Variants in CNTNAP2 observed in about 807,000 individuals in gnomAD.
The protein encoded by CNTNAP2 is contactin associated protein 2, also known as contactin-associated protein-like 2.
Under a neutral mutation model 155.2 loss-of-function variants are expected in CNTNAP2, and 98 were observed. The observed-to-expected ratio is 0.63, with a 90% CI of 0.54 to 0.75. The LOEUF (loss-of-function observed/expected upper bound fraction) is 0.75. CNTNAP2 is among the 30% of genes least tolerant of loss of function. The pLI is 0.00. For missense variants in CNTNAP2, 1,727 were observed against 1,688.1 expected, an observed-to-expected ratio of 1.02 and a Z score of -0.40; for synonymous variants, 651 against 631.2, an observed-to-expected ratio of 1.03 and a Z score of -0.47.
chr7:147,376,431 G>GACA (rs1796435160), intron 9 of CNTNAP2, among the ~76,000 whole-genome samples: 1 of 151,986 alleles, frequency 6.6e-6, no homozygotes, highest in Non-Finnish European at 1.5e-5. Flanking sequence ...GGGTTCATAT[G>GACA]TTTTGAAAAT....
chr7:148,199,844 C>T (rs1383701926), intron 18 of CNTNAP2, among the ~76,000 whole-genome samples: 1 of 152,102 alleles, frequency 6.6e-6, no homozygotes, highest in Non-Finnish European at 1.5e-5. Flanking sequence ...CCATCATATC[C>T]CATCTGCAAG....
chr7:146,483,256 A>T (rs1174208261), intron 1 of CNTNAP2, among the ~76,000 whole-genome samples: 1 of 135,680 alleles, frequency 7.4e-6, no homozygotes, highest in Non-Finnish European at 1.6e-5. Flanking sequence ...AGCCTGGGCA[A>T]CAGAGCAAGA....
intron 13 of CNTNAP2, among the ~76,000 whole-genome samples, chr7:147,747,410 T>A (rs10245935): frequency 0.11 from 17,008 of 152,208 alleles, 2,890 homozygotes; most frequent in African/African-American, 0.37. Flanking sequence ...CAAAATTTTC[T>A]TACCAAATTG....
chr7:146,661,532 G>A (rs1800087800), intron 1 of CNTNAP2, among the ~76,000 whole-genome samples: 1 of 151,694 alleles, frequency 6.6e-6, no homozygotes, highest in Non-Finnish European at 1.5e-5. Context: ...TATATAGTTT[G>A]TACCCATGCT....
chr7:148,282,727 T>C (rs61380717), intron 21 of CNTNAP2, among the ~76,000 whole-genome samples: 22,163 of 152,158 alleles, frequency 0.15, 2,079 homozygotes, highest in African/African-American at 0.26. Flanking sequence ...ATTAAATTAT[T>C]TTTAATTAAC....
intron 7 of CNTNAP2, among the ~76,000 whole-genome samples, chr7:147,131,756 A>G (rs1007087460): frequency 6.6e-6 from 1 of 152,088 alleles, no homozygotes; most frequent in African/African-American, 2.4e-5. Flanking sequence ...ATTTCCCTAA[A>G]ATATCAGTTT....
At chr7:148,408,602 A>C (rs1799756858) in intron 22 of CNTNAP2, among the ~76,000 whole-genome samples, 1 of 152,218 alleles carries the variant, frequency 6.6e-6, no homozygotes, top group Non-Finnish European at 1.5e-5. Flanking sequence ...CTTGCTTTAG[A>C]CTAAGGTGAC....
intron 1 of CNTNAP2, among the ~76,000 whole-genome samples, chr7:146,623,421 T>TTTGAGTGG (rs1273777454): frequency 1.3e-5 from 2 of 152,196 alleles, no homozygotes; most frequent in African/African-American, 4.8e-5. Flanking sequence ...CCCTGTGCTT[T>TTTGAGTGG]GCCCACTCAA....
At chr7:146,666,336 T>G (rs999562015) in intron 1 of CNTNAP2, among the ~76,000 whole-genome samples, 2 of 152,228 alleles carry the variant, frequency 1.3e-5, no homozygotes, top group Non-Finnish European at 2.9e-5. Flanking sequence ...TTTCACTGTT[T>G]GTTTATGGCT....
rs777475285 is a variant in CNTNAP2 at position 148,118,274 on chromosome 7, A to C, written c.2540A>C (p.Lys847Thr). Reference sequence around the variant, plus strand: ...AATATGGGAAAGGAAGATTTCATCAAGCTGGAGCTGAAGTGTGAGTATAAG... The same window carrying C: ...AATATGGGAAAGGAAGATTTCATCACGCTGGAGCTGAAGTGTGAGTATAAG... Reference protein sequence around the residue: ...LENMGKEDFIKLELKSATEVS... With the variant: ...LENMGKEDFITLELKSATEVS... Residue 847 changes from lysine (K) to threonine (T), a missense_variant, in exon 16 of 24, where the codon AAG (lysine) becomes ACG (threonine). By Grantham distance (78) the Lys-to-Thr change is moderately conservative. Transcript: ENST00000361727. 6.2e-7 allele frequency: 1 copy of C among 1,614,132 alleles called. No homozygotes were observed. Among genetic ancestry groups the C allele is most frequent in the Non-Finnish European group, 8.5e-7 (1 of 1,180,006 alleles).
At chr7:146,488,156 C>A (rs1797084070) in intron 1 of CNTNAP2, among the ~76,000 whole-genome samples, 1 of 151,986 alleles carries the variant, frequency 6.6e-6, no homozygotes, top group Admixed American at 6.6e-5. Context: ...TAGTCAGACA[C>A]GCGGCTTGCT....
At chr7:146,943,732 C>T (rs1375255575) in intron 3 of CNTNAP2, among the ~76,000 whole-genome samples, 13 of 152,082 alleles carry the variant, frequency 8.5e-5, no homozygotes, top group East Asian at 1.9e-4. Flanking sequence ...CTAGTGGCAC[C>T]TTGTATGGGC....
intron 1 of CNTNAP2, among the ~76,000 whole-genome samples, chr7:146,452,253 A>G (rs1796495354): frequency 6.6e-6 from 1 of 152,066 alleles, no homozygotes; most frequent in Non-Finnish European, 1.5e-5. Flanking sequence ...AACTTCTATT[A>G]TAATAATTGT....
At chr7:146,411,181 G>C (rs965057693) in intron 1 of CNTNAP2, among the ~76,000 whole-genome samples, 5 of 145,580 alleles carry the variant, frequency 3.4e-5, no homozygotes, top group African/African-American at 5.1e-5. Context: ...TTTTGAGATG[G>C]AGTCTTGCTC....
intron 3 of CNTNAP2, among the ~76,000 whole-genome samples, chr7:146,929,295 C>G (rs988186009): frequency 3.3e-5 from 5 of 152,180 alleles, no homozygotes; most frequent in Non-Finnish European, 5.9e-5. Flanking sequence ...ATCCTCTGCT[C>G]TGCAGCCACC....
chr7:147,548,641 T>A (rs1433428400), intron 11 of CNTNAP2, among the ~76,000 whole-genome samples: 1 of 152,232 alleles, frequency 6.6e-6, no homozygotes, highest in Non-Finnish European at 1.5e-5. Flanking sequence ...TTGGCTTTTG[T>A]TGCAATTGCT....
At chr7:147,823,594 A>C (rs754988413) in intron 13 of CNTNAP2, among the ~76,000 whole-genome samples, 2 of 152,250 alleles carry the variant, frequency 1.3e-5, no homozygotes, top group East Asian at 3.9e-4. Flanking sequence ...TTTGCTCTGA[A>C]GTTATACATG....
intron 1 of CNTNAP2, among the ~76,000 whole-genome samples, chr7:146,593,908 C>A (rs1363431021): frequency 1.3e-5 from 2 of 152,204 alleles, no homozygotes; most frequent in East Asian, 1.9e-4. Context: ...AAGACTCTTG[C>A]AGAGTTAGTT....
At chr7:147,232,156 A>G (rs528349697) in intron 8 of CNTNAP2, among the ~76,000 whole-genome samples, 1 of 152,338 alleles carries the variant, frequency 6.6e-6, no homozygotes, top group South Asian at 2.1e-4. Context: ...ACTATCAGAC[A>G]TTTATGAAAG....
Sources: gnomAD v4.1 joint callset for allele counts (sites outside exome capture counted in the v4.1 genomes callset) on GRCh38, gnomAD v4.1.1 for gene constraint, MANE v1.5 for transcripts, NCBI Gene and HGNC (gene_info 2026-07-23, HGNC 2026-07-21) for gene names.